Variants in CTNNA3 observed in about 807,000 individuals in gnomAD.
The protein encoded by CTNNA3 is catenin alpha-3.
CTNNA3 carries 76 observed loss-of-function variants against 95.7 expected under a neutral mutation model. The observed-to-expected ratio is 0.79, with a 90% CI of 0.66 to 0.96. The LOEUF (loss-of-function observed/expected upper bound fraction) is 0.96, where lower values mean the gene tolerates loss of function less well. Ranked by LOEUF, CTNNA3 falls within the 40% of genes least tolerant of loss-of-function variation. CTNNA3 has a pLI of 0.00. For synonymous variants in CTNNA3, 431 were observed against 374.4 expected (o/e 1.15, Z -1.74); for missense variants, 1,191 against 1,089.8 (o/e 1.09, Z -1.31).
chr10:66,778,736 G>T (rs1020084991), intron 7 of CTNNA3, among the ~76,000 whole-genome samples: 2 of 152,054 alleles, frequency 1.3e-5, no homozygotes, highest in Non-Finnish European at 2.9e-5. Flanking sequence ...AGCATTTTGT[G>T]AGGCCAAGGC....
chr10:67,202,781 A>G (rs1167838876), intron 6 of CTNNA3, among the ~76,000 whole-genome samples: 3 of 152,028 alleles, frequency 2.0e-5, no homozygotes, highest in African/African-American at 4.8e-5. Context: ...ATATCACTTT[A>G]CATAGTAAAT....
Position 67,643,023 on chromosome 10 carries a change from C to A in CTNNA3, c.99+4392G>T, listed in dbSNP as rs192106155. ...TCCATTATAAAGATACATGCACATG[C>A]ATGTTCACTGCAGCACTATTCACAA... On this transcript the variant is annotated intron_variant, in intron 2 of 17. Coordinates refer to ENST00000433211, the MANE Select transcript of CTNNA3 (RefSeq NM_013266.4). 6.9e-4 allele frequency among the ~76,000 whole-genome samples: 105 copies of A among 152,232 alleles called. 1 individual carries two copies. The highest frequency in any genetic ancestry group is 5.8e-4 in the East Asian group (3 of 5,186).
chr10:67,645,329 G>C lies in CTNNA3; in HGVS notation c.99+2086C>G, dbSNP rs140157515. On this transcript the variant is annotated intron_variant, in intron 2 of 17. Transcript: ENST00000433211. The stretch of plus-strand genomic sequence containing the variant: ...ATTAGTTTCAGTTAGAATATAAAAA[G>C]TAGTTTCCCCATGATACTCTCTCTG... Among the ~76,000 whole-genome samples, 131 of 152,224 alleles carry C rather than the reference G, an allele frequency of 8.6e-4. 1 individual carries two copies. The East Asian group carries it at 0.022, about 26-fold the overall frequency.
At chr10:66,796,421 T>C (rs1013639983) in intron 7 of CTNNA3, among the ~76,000 whole-genome samples, 11 of 152,016 alleles carry the variant, frequency 7.2e-5, no homozygotes, top group Non-Finnish European at 1.5e-4. Flanking sequence ...CCATCTTATA[T>C]GGGTGCAGTT....
At chr10:67,536,392 T>A (rs1840487319) in intron 4 of CTNNA3, among the ~76,000 whole-genome samples, 1 of 152,140 alleles carries the variant, frequency 6.6e-6, no homozygotes. Flanking sequence ...AAAATCAGCT[T>A]CACTGTCTCA....
intron 1 of CTNNA3, among the ~76,000 whole-genome samples, chr10:67,718,385 G>A (rs542507580): frequency 6.6e-6 from 1 of 152,182 alleles, no homozygotes; most frequent in African/African-American, 2.4e-5. Context: ...TTCTTGTCTT[G>A]TGCCAGTTTT....
At chr10:67,046,879 T>C (rs10762130) in intron 7 of CTNNA3, among the ~76,000 whole-genome samples, 53,617 of 151,922 alleles carry the variant, frequency 0.35, 11,171 homozygotes, top group East Asian at 0.51. Context: ...CCAAAGAAAA[T>C]TTGGGCACTG....
At chr10:66,749,740 G>A (rs529670706) in intron 9 of CTNNA3, among the ~76,000 whole-genome samples, 1 of 152,200 alleles carries the variant, frequency 6.6e-6, no homozygotes, top group African/African-American at 2.4e-5. Context: ...GAGTGTGATT[G>A]CTGGGTCTTA....
intron 5 of CTNNA3, among the ~76,000 whole-genome samples, chr10:67,395,280 A>C (rs1052939709): frequency 6.6e-6 from 1 of 152,186 alleles, no homozygotes; most frequent in Non-Finnish European, 1.5e-5. Flanking sequence ...CTGCAACACA[A>C]GGAGAAATTG....
At chr10:67,038,779 T>A (rs2133136875) in intron 7 of CTNNA3, among the ~76,000 whole-genome samples, 1 of 152,224 alleles carries the variant, frequency 6.6e-6, no homozygotes, top group Admixed American at 6.5e-5. Context: ...ATTTTTTAAA[T>A]GTCTCTCTTT....
chr10:66,581,095 G>A (rs1219914717), intron 10 of CTNNA3, among the ~76,000 whole-genome samples: 1 of 151,676 alleles, frequency 6.6e-6, no homozygotes, highest in Non-Finnish European at 1.5e-5. Context: ...TTTTATGGCT[G>A]AGTAGTATTC....
chr10:67,020,291 G>A (rs766779859), intron 7 of CTNNA3, among the ~76,000 whole-genome samples: 42 of 152,146 alleles, frequency 2.8e-4, no homozygotes, highest in African/African-American at 3.9e-4. Context: ...GTTGACAAGC[G>A]CTCAAATATA....
chr10:66,103,333 G>T, intron 13 of CTNNA3, 84 bp from the exon 14 acceptor site: 1 of 1,057,326 alleles, frequency 9.5e-7, no homozygotes, highest in Non-Finnish European at 1.5e-6. Context: ...CCTTAAAAGG[G>T]TAATCATAAA....
rs1166376343 is a variant in CTNNA3 at position 66,832,630 on chromosome 10, CA to C, written c.1048-57107del. Among the ~76,000 whole-genome samples the C allele has an allele frequency of 7.8e-3, 1,013 of 130,608 alleles. 5 individuals carry two copies. Among genetic ancestry groups the C allele is most frequent in the African/African-American group, 0.024 (849 of 35,828 alleles). The allele number at this position is 130,608 out of a possible 152,430, so 85.7% of individuals were successfully genotyped here. A position where few individuals can be genotyped will look rare whatever the true frequency, so the allele number is the denominator to read the frequency against. ...TACTAGTTGTGGATATATCAATTTT[CA>C]AAAAAAAAAAAGGAAGAAGAAAAGG... is the stretch of plus-strand genomic sequence containing the variant. On this transcript the variant is annotated intron_variant, in intron 7 of 17. Coordinates refer to ENST00000433211, the MANE Select transcript of CTNNA3 (RefSeq NM_013266.4).
intron 7 of CTNNA3, among the ~76,000 whole-genome samples, chr10:67,127,584 A>G (rs1159284383): frequency 6.6e-6 from 1 of 152,114 alleles, no homozygotes; most frequent in Non-Finnish European, 1.5e-5. Flanking sequence ...TGCCAGCAAA[A>G]CAATCAGACT....
intron 10 of CTNNA3, among the ~76,000 whole-genome samples, chr10:66,606,666 AAATGG>A: frequency 6.6e-6 from 1 of 152,086 alleles, no homozygotes; most frequent in South Asian, 2.1e-4. Context: ...ACCTACTCCC[AAATGG>A]CTTTTGGGTA....
At chr10:67,432,738 C>T (rs1422726689) in intron 5 of CTNNA3, among the ~76,000 whole-genome samples, 2 of 152,024 alleles carry the variant, frequency 1.3e-5, no homozygotes, top group Non-Finnish European at 2.9e-5. Context: ...AACATTCACT[C>T]TTTTGCCATA....
chr10:66,006,021 T>A (rs2078872365), intron 15 of CTNNA3, among the ~76,000 whole-genome samples: 2 of 149,834 alleles, frequency 1.3e-5, no homozygotes, highest in African/African-American at 5.0e-5. Context: ...TTTTTTTTTT[T>A]TTTTTTTCCG....
intron 10 of CTNNA3, among the ~76,000 whole-genome samples, chr10:66,551,629 C>T (rs899473314): frequency 2.0e-5 from 3 of 152,018 alleles, no homozygotes; most frequent in African/African-American, 7.2e-5. Flanking sequence ...TTTGGAATTA[C>T]GTCTTGTGTG....
Sources: allele counts gnomAD v4.1 joint callset (sites outside exome capture counted in the v4.1 genomes callset), GRCh38; gene constraint gnomAD v4.1.1; transcripts MANE v1.5; gene names NCBI Gene and HGNC (gene_info 2026-07-23, HGNC 2026-07-21).